The following TDRD9 variants were observed in gnomAD, a reference collection of about 807,000 sequenced individuals.
TDRD9 encodes the protein ATP-dependent RNA helicase TDRD9.
TDRD9 carries 124 observed loss-of-function variants against 172.6 expected under a neutral mutation model. The observed-to-expected ratio is 0.72, with a 90% CI of 0.62 to 0.83. The LOEUF (loss-of-function observed/expected upper bound fraction) is 0.83, where lower values mean the gene tolerates loss of function less well. Among genes scored for constraint, TDRD9 ranks in the 40% least tolerant of loss-of-function variants. TDRD9 has a pLI of 0.00. For missense variants in TDRD9, 1,479 were observed against 1,714.1 expected (o/e 0.86, Z 2.42); for synonymous variants, 619 against 617.1 (o/e 1.00, Z -0.05).
intron 7 of TDRD9, 98 bp from the exon 8 acceptor site, chr14:103,986,119 C>T: frequency 1.3e-6 from 1 of 794,538 alleles, no homozygotes; most frequent in Non-Finnish European, 2.1e-6. Flanking sequence ...GAGTTTGTTA[C>T]AGTGTTGTAC....
intron 8 of TDRD9, among the ~76,000 whole-genome samples, chr14:103,989,048 G>A (rs76723801): frequency 0.029 from 4,341 of 148,154 alleles, 130 homozygotes; most frequent in African/African-American, 0.078. Context: ...CTAGTAAGGT[G>A]GGTCTGCTAG....
At chr14:103,999,639 T>G (rs2034184712) in intron 13 of TDRD9, among the ~76,000 whole-genome samples, 4 of 127,910 alleles carry the variant, frequency 3.1e-5, no homozygotes, top group Admixed American at 7.7e-5. Flanking sequence ...TGTTTGTTTT[T>G]TAGAAAACCT....
intron 21 of TDRD9, 134 bp from the exon 22 acceptor site, chr14:104,015,847 C>T (rs2034774189): frequency 1.2e-5 from 7 of 577,228 alleles, no homozygotes; most frequent in Non-Finnish European, 2.0e-5. Context: ...GGTGAAAGGT[C>T]TAGTTTTCCA....
intron 7 of TDRD9, among the ~76,000 whole-genome samples, chr14:103,976,413 A>G (rs1314556884): frequency 1.3e-5 from 2 of 151,978 alleles, no homozygotes; most frequent in African/African-American, 2.4e-5. Context: ...AGCTAGGACT[A>G]CAGGCGTCCG....
chr14:104,010,071 G>T (rs567105625), intron 20 of TDRD9, among the ~76,000 whole-genome samples: 112 of 150,956 alleles, frequency 7.4e-4, no homozygotes, highest in Non-Finnish European at 1.5e-3. Flanking sequence ...TCAGCCTCCC[G>T]AGTAGCTGGG....
Position 104,040,257 on chromosome 14 carries a change from A to G in TDRD9, c.3778A>G (p.Thr1260Ala). 6.4e-7 allele frequency: 1 copy of G among 1,551,392 alleles called. No homozygotes were observed. The highest frequency in any genetic ancestry group is 2.4e-5 in the East Asian group (1 of 40,902). The change falls in exon 33 of 36, where the codon ACA (threonine) becomes GCA (alanine). Residue 1260 changes from threonine to alanine, a missense_variant. Coordinates refer to ENST00000409874, the MANE Select transcript of TDRD9 (RefSeq NM_153046.3). Reference protein sequence around the residue: ...VLCGLGWNPATGASILPEHDM... With the variant: ...VLCGLGWNPAAGASILPEHDM... ...TTGTGGTTTGGGGTGGAATCCAGCTACAGGGGCTTCCATACTGCCCGAGCA... is the reference window on the plus strand; with the variant it reads ...TTGTGGTTTGGGGTGGAATCCAGCTGCAGGGGCTTCCATACTGCCCGAGCA...
At chr14:104,025,952 A>T in intron 26 of TDRD9, 95 bp from the exon 27 acceptor site, 1 of 1,003,578 alleles carries the variant, frequency 1.0e-6, no homozygotes. Flanking sequence ...GAATTCTATA[A>T]TTATAGGATT....
chr14:103,996,251 A>G (rs2034055142), intron 12 of TDRD9, among the ~76,000 whole-genome samples: 1 of 152,220 alleles, frequency 6.6e-6, no homozygotes, highest in African/African-American at 2.4e-5. Context: ...TTCATCAATG[A>G]GTTTTCTAAA....
At chr14:104,001,792 A>G (rs1039491930) in intron 13 of TDRD9, among the ~76,000 whole-genome samples, 1 of 152,120 alleles carries the variant, frequency 6.6e-6, no homozygotes, top group African/African-American at 2.4e-5. Context: ...TATTTTTAGT[A>G]GAGATGGGGT....
chr14:103,995,795 G>T lies in TDRD9; in HGVS notation c.1366G>T (p.Asp456Tyr). 1 of 1,608,860 alleles carries T rather than the reference G, an allele frequency of 6.2e-7. No homozygotes were observed. The highest frequency in any genetic ancestry group is 8.5e-7 in the Non-Finnish European group (1 of 1,177,790). The change falls in exon 12 of 36, where the codon GAT becomes TAT. Residue 456 changes from aspartate (D) to tyrosine (Y), a missense_variant. Coordinates refer to ENST00000409874, the MANE Select transcript of TDRD9 (RefSeq NM_153046.3). The part of the protein sequence containing the change: ...NIAESSVTVP[D>Y]VKYVIDFCLT... ...TGCAGAGAGTTCTGTCACAGTTCCA[G>T]ATGTCAAATATGGTAAGATACTTCT...
chr14:103,935,444 G>A (rs2030694473), intron 1 of TDRD9, among the ~76,000 whole-genome samples: 1 of 152,208 alleles, frequency 6.6e-6, no homozygotes. Flanking sequence ...GACAGGTGTT[G>A]CCTTCAGGTA....
chr14:104,022,021 T>TG, intron 23 of TDRD9, 136 bp from the exon 24 acceptor site: 1 of 663,396 alleles, frequency 1.5e-6, no homozygotes, highest in East Asian at 2.8e-5. Flanking sequence ...TACATGTTAT[T>TG]GATTAATTAT....
intron 26 of TDRD9, 108 bp from the exon 27 acceptor site, chr14:104,025,939 C>A: frequency 3.0e-6 from 3 of 994,340 alleles, no homozygotes; most frequent in Non-Finnish European, 4.6e-6. Flanking sequence ...CAGGTCACTC[C>A]AAGAATTCTA....
rs563748277 is a variant in TDRD9 at position 103,980,355 on chromosome 14, T to G, written c.1011+4802T>G. Among the ~76,000 whole-genome samples the G allele has an allele frequency of 1.3e-5, 2 of 152,192 alleles. No individual in the cohort carries two copies. Among genetic ancestry groups the G allele is most frequent in the East Asian group, 3.9e-4 (2 of 5,160 alleles). Reference sequence around the variant, plus strand: ...ATCTCCAATGATAGGTAAGGTCATGTGGGTCACGTGTCGACTGGACAGGGG... The same window carrying G: ...ATCTCCAATGATAGGTAAGGTCATGGGGGTCACGTGTCGACTGGACAGGGG... On this transcript the variant is annotated intron_variant, in intron 7 of 35. Coordinates refer to ENST00000409874, the MANE Select transcript of TDRD9 (RefSeq NM_153046.3). The surrounding 1 kb of genome is among the most constrained non-coding windows in gnomAD (Gnocchi z 4.5).
intron 20 of TDRD9, chr14:104,013,719 T>A (rs1158861014): frequency 4.0e-5 from 6 of 149,456 alleles, no homozygotes; most frequent in Non-Finnish European, 7.4e-5. Context: ...GCGTAGGAGT[T>A]CTGGGCTGTA....
intron 11 of TDRD9, 132 bp downstream of exon 11, chr14:103,994,735 T>C (rs1595960393): frequency 8.8e-6 from 6 of 679,096 alleles, no homozygotes; most frequent in Middle Eastern, 3.1e-4. Flanking sequence ...CTGAGGTGGG[T>C]GAATCATTTG....
intron 7 of TDRD9, among the ~76,000 whole-genome samples, chr14:103,983,127 G>A (rs1220564444): frequency 4.9e-5 from 7 of 142,662 alleles, no homozygotes; most frequent in African/African-American, 1.8e-4. Flanking sequence ...GCAGTGGCGC[G>A]ATCTCAGCTC....
intron 15 of TDRD9, 146 bp from the exon 16 acceptor site, chr14:104,006,243 G>T: frequency 4.8e-6 from 3 of 630,540 alleles, no homozygotes; most frequent in Non-Finnish European, 8.0e-6. Flanking sequence ...AGTTTTTTTT[G>T]GTAACATATC....
At chr14:103,930,132 A>G (rs2030279884) in intron 1 of TDRD9, among the ~76,000 whole-genome samples, 1 of 151,948 alleles carries the variant, frequency 6.6e-6, no homozygotes, top group African/African-American at 2.4e-5. Context: ...ACTCTTGCTC[A>G]GTCCCCAAGT....
Sources: allele counts gnomAD v4.1 joint callset (sites outside exome capture counted in the v4.1 genomes callset), GRCh38; gene constraint gnomAD v4.1.1; non-coding constraint Gnocchi (gnomAD v3.1); transcripts MANE v1.5; gene names NCBI Gene and HGNC (gene_info 2026-07-23, HGNC 2026-07-21).